Variants in LNPEP observed in about 807,000 individuals in gnomAD.
LNPEP encodes the protein leucyl-cystinyl aminopeptidase.
LNPEP carries 64 observed loss-of-function variants against 120.6 expected under a neutral mutation model. The observed-to-expected ratio is 0.53, with a 90% confidence interval of 0.43 to 0.65. The LOEUF is 0.65. Among genes scored for constraint, LNPEP ranks in the 30% least tolerant of loss-of-function variants. The pLI, the probability that LNPEP is intolerant of heterozygous loss-of-function variation, is 0.00. For missense variants in LNPEP, 1,057 were observed against 1,200.0 expected (o/e 0.88, Z 1.76); for synonymous variants, 435 against 425.4 (o/e 1.02, Z -0.28).
At chr5:97,014,361 C>T (rs1305118552) in intron 12 of LNPEP, among the ~76,000 whole-genome samples, 7 of 152,132 alleles carry the variant, frequency 4.6e-5, no homozygotes, top group South Asian at 2.1e-4. Flanking sequence ...AAAACACTGA[C>T]GTGTTCCTTC....
At chr5:96,975,249 C>T (rs1243850903) in intron 1 of LNPEP, among the ~76,000 whole-genome samples, 1 of 152,122 alleles carries the variant, frequency 6.6e-6, no homozygotes, top group East Asian at 1.9e-4. Flanking sequence ...ATATCCTACA[C>T]TGAATGCCAT....
chr5:96,990,515 C>T (rs187235310), intron 4 of LNPEP, among the ~76,000 whole-genome samples: 225 of 152,294 alleles, frequency 1.5e-3, no homozygotes, highest in South Asian at 6.6e-3. Flanking sequence ...GCCTCAATTC[C>T]GATGGGAGTC....
chr5:97,013,118 A>G (rs1434272477), intron 11 of LNPEP, among the ~76,000 whole-genome samples: 1 of 152,070 alleles, frequency 6.6e-6, no homozygotes, highest in Admixed American at 6.6e-5. Context: ...AGTTCAGTGC[A>G]TGGATAACAT....
In LNPEP at chr5:97,027,150, G is replaced by A. The variant is rs549676152; in HGVS notation, c.2864+393G>A. On this transcript the variant is annotated intron_variant, in intron 16 of 17. Coordinates refer to ENST00000231368, the MANE Select transcript of LNPEP (RefSeq NM_005575.3). ...GGGCGGATCACGAGGTCAGGAGATC[G>A]AGACCATCCTGGCTAACACGGTGAA... is the stretch of plus-strand genomic sequence containing the variant. Among the ~76,000 whole-genome samples the A allele has an allele frequency of 3.7e-4, 57 of 152,204 alleles. 1 individual carries two copies. The South Asian group carries it at 5.8e-3, about 16-fold the overall frequency.
chr5:97,000,289 G>A (rs1790616086), intron 8 of LNPEP, among the ~76,000 whole-genome samples: 1 of 152,202 alleles, frequency 6.6e-6, no homozygotes, highest in Non-Finnish European at 1.5e-5. Context: ...TTTTCTTGGG[G>A]AAGAATATTC....
intron 9 of LNPEP, among the ~76,000 whole-genome samples, 174 bp downstream of exon 9, chr5:97,003,720 T>A (rs1582020168): frequency 6.6e-6 from 1 of 152,054 alleles, no homozygotes; most frequent in East Asian, 1.9e-4. Flanking sequence ...AAATTTTATG[T>A]CAAGAAATGG....
intron 1 of LNPEP, among the ~76,000 whole-genome samples, chr5:96,964,386 G>A (rs1184432546): frequency 5.9e-5 from 9 of 151,628 alleles, no homozygotes; most frequent in South Asian, 2.1e-4. Context: ...CCAACATACC[G>A]ACAACTCCAC....
Position 96,993,977 on chromosome 5 carries a change from A to G in LNPEP, c.1407+6A>G, listed in dbSNP as rs968136305. 2 of 1,613,448 alleles carry G rather than the reference A, an allele frequency of 1.2e-6. No homozygotes were observed. Among genetic ancestry groups the G allele is most frequent in the East Asian group, 4.5e-5 (2 of 44,868 alleles). ...CTCATGAGCTGGCCCACCAGGTATT[A>G]GCAACCAAGGCTGTTCTGTGTCACA... On this transcript the variant is annotated splice_donor_region_variant and intron_variant, in intron 6 of 17. Coordinates refer to ENST00000231368, the MANE Select transcript of LNPEP (RefSeq NM_005575.3).
chr5:96,989,331 TATATATA>T (rs1399610346), intron 4 of LNPEP, among the ~76,000 whole-genome samples: 7 of 22,312 alleles, frequency 3.1e-4, no homozygotes, highest in East Asian at 2.4e-3. Flanking sequence ...AATATATAAT[TATATATA>T]ATATATAATA....
chr5:97,017,812 A>C (rs1261504932), intron 13 of LNPEP, among the ~76,000 whole-genome samples: 2 of 152,196 alleles, frequency 1.3e-5, no homozygotes, highest in Non-Finnish European at 2.9e-5. Flanking sequence ...TAGTTCTGGA[A>C]GCCAGAAGGC....
intron 4 of LNPEP, among the ~76,000 whole-genome samples, chr5:96,992,497 A>C (rs1790412298): frequency 6.6e-6 from 1 of 152,182 alleles, no homozygotes; most frequent in Non-Finnish European, 1.5e-5. Flanking sequence ...TATGCAATTT[A>C]TGCCTTATAT....
At chr5:96,976,744 T>C (rs1473169113) in intron 1 of LNPEP, among the ~76,000 whole-genome samples, 1 of 151,304 alleles carries the variant, frequency 6.6e-6, no homozygotes, top group African/African-American at 2.5e-5. Flanking sequence ...TTAGACATTT[T>C]TAAATTAAAA....
At chr5:96,981,494 T>C (rs1260861378) in intron 2 of LNPEP, among the ~76,000 whole-genome samples, 1 of 152,212 alleles carries the variant, frequency 6.6e-6, no homozygotes, top group African/African-American at 2.4e-5. Context: ...ATCCAGCCCA[T>C]GGCAAGAGTC....
At chr5:97,002,428 G>A (rs1339062688) in intron 8 of LNPEP, among the ~76,000 whole-genome samples, 1 of 152,204 alleles carries the variant, frequency 6.6e-6, no homozygotes, top group Admixed American at 6.5e-5. Context: ...TGGTGATGCA[G>A]AAGAGAAAGG....
chr5:96,943,047 G>C (rs1446584643), intron 1 of LNPEP: 2 of 239,626 alleles, frequency 8.3e-6, no homozygotes, highest in African/African-American at 2.3e-5. Flanking sequence ...TCTTATGAAG[G>C]TTCTGAGACA....
intron 14 of LNPEP, among the ~76,000 whole-genome samples, chr5:97,023,442 C>T (rs1398002879): frequency 6.6e-6 from 1 of 151,894 alleles, no homozygotes; most frequent in South Asian, 2.1e-4. Flanking sequence ...TTAGTAGAGA[C>T]GGGGTTTCAC....
intron 5 of LNPEP, among the ~76,000 whole-genome samples, 190 bp from the exon 6 acceptor site, chr5:96,993,627 G>T (rs1168669430): frequency 6.6e-6 from 1 of 152,142 alleles, no homozygotes; most frequent in Non-Finnish European, 1.5e-5. Flanking sequence ...CTCTAAAAGG[G>T]TTTGAACAGG....
intron 1 of LNPEP, among the ~76,000 whole-genome samples, chr5:96,977,404 G>A (rs2112974): frequency 0.5 from 75,268 of 151,630 alleles, 18,872 homozygotes; most frequent in African/African-American, 0.57. Flanking sequence ...TGCCTGGCCT[G>A]TGCTCAAAAT....
At position 96,968,874 on chromosome 5, in the gene LNPEP, G is replaced by A. The variant is rs148352577; in HGVS notation, c.20-10264G>A. ...TTCAGAGGCAGAGCAGGCACTGTGCGTGGTTGTATGTGCTTTAGGGATTTG... is the reference window on the plus strand; with the variant it reads ...TTCAGAGGCAGAGCAGGCACTGTGCATGGTTGTATGTGCTTTAGGGATTTG... On this transcript the variant is annotated intron_variant, in intron 1 of 17. Coordinates refer to ENST00000231368, the MANE Select transcript of LNPEP (RefSeq NM_005575.3). Among the ~76,000 whole-genome samples, 58 of 152,140 alleles carry A rather than the reference G, an allele frequency of 3.8e-4. 2 individuals carry two copies. The East Asian group carries it at 7.3e-3, about 19-fold the overall frequency.
Sources: allele counts gnomAD v4.1 joint callset (sites outside exome capture counted in the v4.1 genomes callset), GRCh38; gene constraint gnomAD v4.1.1; transcripts MANE v1.5; gene names NCBI Gene and HGNC (gene_info 2026-07-23, HGNC 2026-07-21).